Variants in NSF observed in about 807,000 individuals in gnomAD.
The protein encoded by NSF is N-ethylmaleimide sensitive factor, vesicle fusing ATPase.
NSF carries 14 observed loss-of-function variants against 50.3 expected under a neutral mutation model. The ratio of observed to expected loss-of-function variants is 0.28; its 90% CI spans 0.18 to 0.44. NSF has a LOEUF of 0.44. NSF is among the 20% of genes least tolerant of loss of function. The pLI is 1.00. For missense variants in NSF, 218 were observed against 504.3 expected (o/e 0.43, Z 5.44); for synonymous variants, 109 against 175.7 (o/e 0.62, Z 3.00).
rs921311478 is a variant in NSF, at chr17:46,755,166, A to G, written c.2158-148A>G. 15 of 642,652 alleles carry G rather than the reference A, an allele frequency of 2.3e-5. No homozygotes were observed. In the African/African-American group the frequency reaches 2.4e-4, roughly 10 times the overall value. 39.8% of individuals were successfully genotyped at this position (642,652 alleles called of 1,614,324 possible). A position where few individuals can be genotyped will look rare whatever the true frequency, so the allele number is the denominator to read the frequency against. On this transcript the variant is annotated intron_variant, in intron 19 of 20. Coordinates refer to ENST00000398238, the MANE Select transcript of NSF (RefSeq NM_006178.4). ...GATGTGATCTGCTTTGTTTTGTGTG[A>G]GAATGCTGGTCAAGGAGCAGGTAAC...
rs529390749 is a variant in NSF, at chr17:46,657,601, G to A, written c.745+14342G>A. ...TGCCATGTATTTGCTCATTCTTCAA[G>A]TTTCAGCTTGATTGCCTTTGGAAGG... On this transcript the variant is annotated intron_variant, in intron 8 of 20. Coordinates refer to ENST00000398238, the MANE Select transcript of NSF (RefSeq NM_006178.4). Among the ~76,000 whole-genome samples the A allele has an allele frequency of 1.5e-3, 195 of 126,770 alleles. 1 individual carries two copies. Among genetic ancestry groups the A allele is most frequent in the Non-Finnish European group, 2.7e-3 (157 of 59,232 alleles). 83.2% of individuals were successfully genotyped at this position (126,770 alleles called of 152,430 possible). A position where few individuals can be genotyped will look rare whatever the true frequency, so the allele number is the denominator to read the frequency against.
chr17:46,738,905 C>A (rs2059036994), intron 17 of NSF, among the ~76,000 whole-genome samples: 1 of 152,210 alleles, frequency 6.6e-6, no homozygotes, highest in South Asian at 2.1e-4. Flanking sequence ...ACTTCTAGAC[C>A]AGCCTGGGCA....
intron 8 of NSF, among the ~76,000 whole-genome samples, chr17:46,657,968 T>TCA: frequency 1.3e-4 from 1 of 7,972 alleles, no homozygotes; most frequent in Non-Finnish European, 5.7e-4. Flanking sequence ...TTTATTTTAT[T>TCA]TATTTTTTTT....
At chr17:46,752,034 C>T (rs1321000787) in intron 19 of NSF, among the ~76,000 whole-genome samples, 8 of 152,174 alleles carry the variant, frequency 5.3e-5, no homozygotes, top group Admixed American at 5.2e-4. Context: ...AGCGACTGCA[C>T]ATATACCAAA....
chr17:46,610,029 C>CTTTT (rs528412035), intron 1 of NSF, among the ~76,000 whole-genome samples: 1 of 88,984 alleles, frequency 1.1e-5, no homozygotes, highest in East Asian at 2.3e-4. Flanking sequence ...TTCTTTCTTT[C>CTTTT]TCTCTCTCTC....
rs146384416 is a variant in NSF at position 46,741,670 on chromosome 17, C to T, written c.1909-8103C>T. Among the ~76,000 whole-genome samples the T allele has an allele frequency of 1.9e-3, 282 of 152,268 alleles. 2 individuals carry two copies. The highest frequency in any genetic ancestry group is 6.3e-3 in the African/African-American group (263 of 41,556). ...ATGCAAAGAGGCCCAATTCCTCTCC[C>T]TTCACTTGTCTCTGGTTGCTTTTAA... is the stretch of plus-strand genomic sequence containing the variant. On this transcript the variant is annotated intron_variant, in intron 17 of 20. Transcript: ENST00000398238.
intron 9 of NSF, among the ~76,000 whole-genome samples, chr17:46,676,233 C>CT (rs140135606): frequency 0.13 from 17,900 of 135,590 alleles, 2,855 homozygotes; most frequent in East Asian, 0.58. Flanking sequence ...AATTCTTCTT[C>CT]TTTTTTTTTT....
chr17:46,710,857 G>A, intron 13 of NSF, 106 bp from the exon 14 acceptor site: 2 of 939,780 alleles, frequency 2.1e-6, no homozygotes, highest in East Asian at 3.0e-5. Context: ...TATTAATATG[G>A]GATAGTGATC....
At chr17:46,713,495 G>A (rs2146265910) in intron 14 of NSF, 1 of 174,788 alleles carries the variant, frequency 5.7e-6, no homozygotes, top group African/African-American at 2.4e-5. Context: ...GTCTTTTTTT[G>A]TTAGACAAAT....
chr17:46,703,680 C>CAAAAAAAAAAAA (rs149212597), intron 12 of NSF, among the ~76,000 whole-genome samples: 6 of 37,604 alleles, frequency 1.6e-4, no homozygotes, highest in Non-Finnish European at 2.5e-4. Flanking sequence ...GACTCCGTCT[C>CAAAAAAAAAAAA]AAAAAAAAAA....
intron 19 of NSF, among the ~76,000 whole-genome samples, chr17:46,753,218 CTTA>C (rs2059200845): frequency 6.6e-6 from 1 of 152,198 alleles, no homozygotes; most frequent in South Asian, 2.1e-4. Context: ...TCATGTGTTA[CTTA>C]CTGATGGTCC....
intron 19 of NSF, among the ~76,000 whole-genome samples, chr17:46,754,907 C>T (rs1323094770): frequency 2.6e-5 from 4 of 152,212 alleles, no homozygotes; most frequent in African/African-American, 9.6e-5. Context: ...GTTGAATTAA[C>T]CTCAACTTGG....
At chr17:46,736,557 T>G (rs1484948053) in intron 17 of NSF, among the ~76,000 whole-genome samples, 1 of 152,240 alleles carries the variant, frequency 6.6e-6, no homozygotes, top group Non-Finnish European at 1.5e-5. Context: ...TATTTTGCTT[T>G]ATTGTTTCCT....
intron 14 of NSF, among the ~76,000 whole-genome samples, chr17:46,712,531 G>C (rs573100213): frequency 6.6e-6 from 1 of 152,348 alleles, no homozygotes; most frequent in Admixed American, 6.5e-5. Flanking sequence ...CTGGAAGAAA[G>C]ATGATGAGTT....
Position 46,713,835 on chromosome 17 carries a change from G to A in NSF, c.1628-18G>A. 6.2e-7 allele frequency: 1 copy of A among 1,606,158 alleles called. No individual in the cohort carries two copies. The highest frequency in any genetic ancestry group is 1.1e-5 in the South Asian group (1 of 88,968). On this transcript the variant is annotated intron_variant, in intron 14 of 20. Coordinates refer to ENST00000398238, the MANE Select transcript of NSF (RefSeq NM_006178.4). ...TAGGTTGGCTTTTTTCCCCTGACTT[G>A]CTCATATCTTTATGCAGGCCCTCCT...
At chr17:46,716,489 C>T (rs1043982919) in intron 15 of NSF, among the ~76,000 whole-genome samples, 3 of 152,096 alleles carry the variant, frequency 2.0e-5, no homozygotes, top group African/African-American at 7.2e-5. Flanking sequence ...GATCTCCTGA[C>T]CTCATGATCC....
intron 13 of NSF, 83 bp downstream of exon 13, chr17:46,704,937 G>A: frequency 1.2e-5 from 17 of 1,384,904 alleles, no homozygotes; most frequent in Non-Finnish European, 1.7e-5. Context: ...CATTTACTCA[G>A]TATTATGGAA....
chr17:46,744,981 A>G (rs1236380494), intron 17 of NSF, among the ~76,000 whole-genome samples: 1 of 152,168 alleles, frequency 6.6e-6, no homozygotes, highest in Non-Finnish European at 1.5e-5. Flanking sequence ...GGACTAGCAA[A>G]TCTCAGTAAA....
At chr17:46,754,433 G>T (rs2059214010) in intron 19 of NSF, among the ~76,000 whole-genome samples, 1 of 152,074 alleles carries the variant, frequency 6.6e-6, no homozygotes, top group Admixed American at 6.5e-5. Context: ...TATTCCTGGA[G>T]GGCAGGGAGT....
Sources: allele counts gnomAD v4.1 joint callset (sites outside exome capture counted in the v4.1 genomes callset), GRCh38; gene constraint gnomAD v4.1.1; transcripts MANE v1.5; gene names NCBI Gene and HGNC (gene_info 2026-07-23, HGNC 2026-07-21).